Variants in OR52E5 observed in about 807,000 individuals in gnomAD.
OR52E5 encodes olfactory receptor 52E5.
intron 2 of OR52E5, among the ~76,000 whole-genome samples, chr11:5,896,887 A>G (rs1166123851): frequency 6.6e-6 from 1 of 152,218 alleles, no homozygotes; most frequent in East Asian, 1.9e-4. Flanking sequence ...AACTGCTTTA[A>G]TCTTTAAATA....
rs1847260801 is a variant in OR52E5, at chr11:5,901,890, T to C, written c.*130T>C. On this transcript the variant is annotated 3_prime_UTR_variant, in exon 3 of 3. Transcript: ENST00000610445. ...AGTACGGTCTGTTGGAAGTTATAGC[T>C]CAAAGATTCCAAAACAATCTCTCTG... is the stretch of plus-strand genomic sequence containing the variant. The C allele has an allele frequency of 5.0e-6, 2 of 398,744 alleles. No individual in the cohort carries two copies. Among genetic ancestry groups the C allele is most frequent in the Non-Finnish European group, 8.9e-6 (2 of 225,182 alleles). 24.7% of individuals were successfully genotyped at this position (398,744 alleles called of 1,614,324 possible). A position where few individuals can be genotyped will look rare whatever the true frequency, so the allele number is the denominator to read the frequency against.
At chr11:5,900,486 T>C (rs1210604262) in intron 2 of OR52E5, 146 bp from the exon 3 acceptor site, 7 of 270,862 alleles carry the variant, frequency 2.6e-5, no homozygotes, top group Non-Finnish European at 4.1e-5. Context: ...TATGGAAGTT[T>C]TTTCTTAGAG....
Position 5,900,676 on chromosome 11 carries a change from T to C in OR52E5, c.-101T>C. 1 of 397,764 alleles carries C rather than the reference T, an allele frequency of 2.5e-6. No homozygotes were observed. Among genetic ancestry groups the C allele is most frequent in the East Asian group, 3.6e-5 (1 of 28,074 alleles). 24.6% of individuals were successfully genotyped at this position (397,764 alleles called of 1,614,324 possible). A position where few individuals can be genotyped will look rare whatever the true frequency, so the allele number is the denominator to read the frequency against. On this transcript the variant is annotated 5_prime_UTR_variant, in exon 3 of 3. Transcript: ENST00000610445. ...GGAGTTAAAGAATGGATTTTCTGTT[T>C]CCCCAAGAAATAGACACCATGCTGT...
At chr11:5,896,532 C>CA (rs1481781182) in intron 2 of OR52E5, among the ~76,000 whole-genome samples, 3 of 151,684 alleles carry the variant, frequency 2.0e-5, no homozygotes, top group African/African-American at 7.3e-5. Flanking sequence ...ATATGAAATA[C>CA]ATTGTATGAG....
rs2134297492 is a variant in OR52E5, at chr11:5,901,168, C to T, written c.392C>T (p.Pro131Leu). ...GATCGCTATATTGCCATCTGCAACCCCCTGAGATATAGCATGATCCTTACC... is the reference window on the plus strand; with the variant it reads ...GATCGCTATATTGCCATCTGCAACCTCCTGAGATATAGCATGATCCTTACC... Reference protein sequence around the residue: ...GIDRYIAICNPLRYSMILTNK... With the variant: ...GIDRYIAICNLLRYSMILTNK... Residue 131 changes from proline to leucine, a missense_variant, in exon 3 of 3, where the codon CCC becomes CTC. Pro to Leu is a moderately conservative substitution (Grantham distance 98). Transcript: ENST00000610445. 5.0e-6 allele frequency: 2 copies of T among 401,386 alleles called. No individual in the cohort carries two copies. The highest frequency in any genetic ancestry group is 1.3e-4 in the South Asian group (1 of 7,936). 24.9% of individuals were successfully genotyped at this position (401,386 alleles called of 1,614,324 possible).
chr11:5,899,775 T>C (rs1015243511), intron 2 of OR52E5, among the ~76,000 whole-genome samples: 3 of 152,092 alleles, frequency 2.0e-5, no homozygotes, highest in Non-Finnish European at 4.4e-5. Context: ...ATTGCATCCA[T>C]TGCACAGAGC....
chr11:5,901,764 G>C lies in OR52E5; in HGVS notation c.*4G>C, dbSNP rs1321228732. On this transcript the variant is annotated 3_prime_UTR_variant, in exon 3 of 3. Transcript: ENST00000610445. ...CAACAATTCAGTTAGACAATAATGA[G>C]ATCATAACAAAATAAACACTGGAAA... The C allele has an allele frequency of 2.5e-6, 1 of 400,322 alleles. No homozygotes were observed. The highest frequency in any genetic ancestry group is 3.6e-5 in the East Asian group (1 of 28,064). The allele number at this position is 400,322 out of a possible 1,614,324, so 24.8% of individuals were successfully genotyped here.
intron 2 of OR52E5, among the ~76,000 whole-genome samples, chr11:5,896,683 C>T (rs1324247648): frequency 1.3e-5 from 2 of 151,906 alleles, no homozygotes; most frequent in Non-Finnish European, 2.9e-5. Flanking sequence ...GTAATCACAC[C>T]ACATGTCTAT....
chr11:5,897,327 T>A (rs1200458726), intron 2 of OR52E5, among the ~76,000 whole-genome samples: 1 of 152,236 alleles, frequency 6.6e-6, no homozygotes, highest in Admixed American at 6.5e-5. Context: ...GTTGTTTCCA[T>A]CTTTATGTCC....
chr11:5,895,137 T>C (rs916507534), intron 1 of OR52E5, among the ~76,000 whole-genome samples: 1 of 152,192 alleles, frequency 6.6e-6, no homozygotes, highest in Non-Finnish European at 1.5e-5. Context: ...AAAAGATTGC[T>C]AAGGCCATGG....
At chr11:5,894,053 A>G (rs1428169654) in intron 1 of OR52E5, among the ~76,000 whole-genome samples, 1 of 152,200 alleles carries the variant, frequency 6.6e-6, no homozygotes, top group Non-Finnish European at 1.5e-5. Flanking sequence ...TCAATCTAAA[A>G]TACTATATAT....
chr11:5,900,101 G>C (rs1847228700), intron 2 of OR52E5, among the ~76,000 whole-genome samples: 1 of 152,102 alleles, frequency 6.6e-6, no homozygotes, highest in Admixed American at 6.5e-5. Context: ...AGAGCATCCA[G>C]TGTTTTCTAT....
At chr11:5,894,828 C>A (rs2134287374) in intron 1 of OR52E5, among the ~76,000 whole-genome samples, 1 of 152,142 alleles carries the variant, frequency 6.6e-6, no homozygotes, top group Non-Finnish European at 1.5e-5. Flanking sequence ...AGATCTCAGT[C>A]ACAACTCCTC....
At chr11:5,898,031 T>A (rs72887200) in intron 2 of OR52E5, among the ~76,000 whole-genome samples, 12,003 of 141,760 alleles carry the variant, frequency 0.085, 605 homozygotes, top group East Asian at 0.24. Flanking sequence ...CCAAGCTAAT[T>A]TTTTTTTTTT....
intron 1 of OR52E5, among the ~76,000 whole-genome samples, chr11:5,894,459 G>A (rs538444793): frequency 1.3e-5 from 2 of 152,232 alleles, no homozygotes; most frequent in Admixed American, 1.3e-4. Flanking sequence ...GGATAATCTT[G>A]AAATAAGCAG....
rs1056446562 is a variant in OR52E5 at position 5,900,661 on chromosome 11, A to G, written c.-116A>G. On this transcript the variant is annotated 5_prime_UTR_variant, in exon 3 of 3. Coordinates refer to ENST00000610445, the MANE Select transcript of OR52E5 (RefSeq NM_001005166.5). Reference sequence around the variant, plus strand: ...CTTATGCTATATTATGGAGTTAAAGAATGGATTTTCTGTTTCCCCAAGAAA... The same window carrying G: ...CTTATGCTATATTATGGAGTTAAAGGATGGATTTTCTGTTTCCCCAAGAAA... The G allele has an allele frequency of 7.3e-5, 29 of 397,488 alleles. No homozygotes were observed. Among genetic ancestry groups the G allele is most frequent in the Admixed American group, 7.0e-4 (16 of 22,702 alleles). 24.6% of individuals were successfully genotyped at this position (397,488 alleles called of 1,614,324 possible).
Position 5,901,173 on chromosome 11 carries a change from A to C in OR52E5, c.397A>C (p.Arg133=), listed in dbSNP as rs1847246138. Reference sequence around the variant, plus strand: ...CTATATTGCCATCTGCAACCCCCTGAGATATAGCATGATCCTTACCAACAA... The same window carrying C: ...CTATATTGCCATCTGCAACCCCCTGCGATATAGCATGATCCTTACCAACAA... ...DRYIAICNPL[R]YSMILTNKVI... is the part of the protein sequence containing the mutation. The change falls in exon 3 of 3, where the codon AGA becomes CGA. Residue 133 remains arginine (R), a synonymous_variant. Transcript: ENST00000610445. The C allele has an allele frequency of 2.5e-6, 1 of 401,238 alleles. No individual in the cohort carries two copies. Among genetic ancestry groups the C allele is most frequent in the Admixed American group, 4.4e-5 (1 of 22,708 alleles). 24.9% of individuals were successfully genotyped at this position (401,238 alleles called of 1,614,324 possible).
chr11:5,900,854 T>C lies in OR52E5; in HGVS notation c.78T>C (p.His26=), dbSNP rs928742872. 1.5e-5 allele frequency: 6 copies of C among 401,276 alleles called. No individual in the cohort carries two copies. Among genetic ancestry groups the C allele is most frequent in the African/African-American group, 2.1e-5 (1 of 48,694 alleles). The allele number at this position is 401,276 out of a possible 1,614,324, so 24.9% of individuals were successfully genotyped here. ...GGGTCCCAGGGCTGGAAGATGTGCATGTATGGATTGGCTTCCCCTTCTTTG... is the reference window on the plus strand; with the variant it reads ...GGGTCCCAGGGCTGGAAGATGTGCACGTATGGATTGGCTTCCCCTTCTTTG... The part of the protein sequence containing the change: ...VVGVPGLEDV[H]VWIGFPFFAV... Residue 26 remains histidine, a synonymous_variant, in exon 3 of 3, where the codon CAT becomes CAC. Coordinates refer to ENST00000610445, the MANE Select transcript of OR52E5 (RefSeq NM_001005166.5).
chr11:5,898,861 G>A (rs1179152876), intron 2 of OR52E5, among the ~76,000 whole-genome samples: 1 of 152,154 alleles, frequency 6.6e-6, no homozygotes, highest in Non-Finnish European at 1.5e-5. Flanking sequence ...ATAATTTGAA[G>A]TTGGGTAGTG....
Sources: gnomAD v4.1 joint callset for allele counts (sites outside exome capture counted in the v4.1 genomes callset) on GRCh38, gnomAD v4.1.1 for gene constraint, MANE v1.5 for transcripts, NCBI Gene and HGNC (gene_info 2026-07-23, HGNC 2026-07-21) for gene names.